Variants in THSD7B observed in about 807,000 individuals in gnomAD.
THSD7B encodes thrombospondin type-1 domain-containing protein 7B.
In THSD7B, 138 loss-of-function variants were observed where a neutral mutation model predicts 213.6. The ratio of observed to expected loss-of-function variants is 0.65; its 90% CI spans 0.56 to 0.74. THSD7B has a LOEUF of 0.74. Ranked by LOEUF, THSD7B falls within the 30% of genes least tolerant of loss-of-function variation. The pLI, the probability that THSD7B is intolerant of heterozygous loss-of-function variation, is 0.00. For missense variants in THSD7B, 1,931 were observed against 1,991.5 expected (o/e 0.97, Z 0.58); for synonymous variants, 742 against 687.0 (o/e 1.08, Z -1.25).
chr2:136,939,084 T>C (rs1030693052), intron 2 of THSD7B, among the ~76,000 whole-genome samples: 2 of 152,164 alleles, frequency 1.3e-5, no homozygotes, highest in Non-Finnish European at 2.9e-5. Flanking sequence ...ATGGCATCTT[T>C]CCTAAATATC....
chr2:136,833,175 A>G (rs527697182), intron 1 of THSD7B, among the ~76,000 whole-genome samples: 19 of 151,822 alleles, frequency 1.3e-4, no homozygotes, highest in Non-Finnish European at 2.1e-4. Flanking sequence ...ACCATCCTGG[A>G]TAACATGGTG....
At chr2:137,391,317 A>G (rs1229840750) in intron 12 of THSD7B, among the ~76,000 whole-genome samples, 1 of 150,576 alleles carries the variant, frequency 6.6e-6, no homozygotes, top group Non-Finnish European at 1.5e-5. Flanking sequence ...CCCTTTTTTC[A>G]TTTCTGATTA....
chr2:137,082,579 A>T (rs1687765548), intron 3 of THSD7B, among the ~76,000 whole-genome samples: 2 of 152,126 alleles, frequency 1.3e-5, no homozygotes, highest in African/African-American at 4.8e-5. Flanking sequence ...GGGGAAATTA[A>T]TTTTAGTTTT....
At chr2:137,065,725 G>C (rs1687362324) in intron 3 of THSD7B, among the ~76,000 whole-genome samples, 1 of 151,386 alleles carries the variant, frequency 6.6e-6, no homozygotes, top group Middle Eastern at 3.2e-3. Context: ...ATTTTTTATG[G>C]TTTTATTAGA....
chr2:137,602,737 A>G (rs774232174), intron 17 of THSD7B, among the ~76,000 whole-genome samples: 3 of 152,120 alleles, frequency 2.0e-5, no homozygotes, highest in Non-Finnish European at 4.4e-5. Context: ...TAACAGAATT[A>G]ATCTACTCAT....
At position 137,471,668 on chromosome 2, in the gene THSD7B, A is replaced by C. The variant is rs148582837; in HGVS notation, c.3138+20645A>C. ...GAGGATAAATCTAGAAAAGAGGCTC[A>C]CACAAGTCATCGAAGCAATTCAAAC... On this transcript the variant is annotated intron_variant, in intron 15 of 27. Transcript: ENST00000409968. 3.4e-3 allele frequency among the ~76,000 whole-genome samples: 520 copies of C among 152,218 alleles called. 5 individuals are homozygous for C. Among genetic ancestry groups the C allele is most frequent in the African/African-American group, 0.012 (496 of 41,532 alleles).
intron 3 of THSD7B, among the ~76,000 whole-genome samples, chr2:137,063,407 A>AT (rs1267249976): frequency 1.3e-5 from 2 of 151,660 alleles, no homozygotes; most frequent in African/African-American, 4.8e-5. Flanking sequence ...TTGTAGGTGC[A>AT]TAGTAGGTGT....
At chr2:136,767,490 TTG>T (rs1325519035) in intron 1 of THSD7B, among the ~76,000 whole-genome samples, 3 of 100,156 alleles carry the variant, frequency 3.0e-5, no homozygotes, top group Non-Finnish European at 4.9e-5. Flanking sequence ...TTGTGTGTAT[TTG>T]TGTGTGTGTG....
intron 12 of THSD7B, among the ~76,000 whole-genome samples, chr2:137,345,148 C>A (rs889293171): frequency 1.3e-5 from 2 of 151,654 alleles, no homozygotes; most frequent in Non-Finnish European, 3.0e-5. Context: ...AAATCTTAAT[C>A]TTAACTGTAA....
chr2:136,948,539 AG>A (rs892269861), intron 2 of THSD7B, among the ~76,000 whole-genome samples: 20 of 152,158 alleles, frequency 1.3e-4, no homozygotes, highest in Non-Finnish European at 2.9e-4. Flanking sequence ...AATTCAGGTG[AG>A]GGAAAGATTA....
chr2:137,372,323 C>CTTTTTTTTTTTT (rs55635315), intron 12 of THSD7B, among the ~76,000 whole-genome samples: 2 of 57,514 alleles, frequency 3.5e-5, no homozygotes, highest in Non-Finnish European at 6.7e-5. Flanking sequence ...TGATAATACT[C>CTTTTTTTTTTTT]TTTTTTTTTT....
chr2:137,664,514 G>T (rs1683411488), intron 26 of THSD7B, among the ~76,000 whole-genome samples: 1 of 152,186 alleles, frequency 6.6e-6, no homozygotes, highest in Non-Finnish European at 1.5e-5. Context: ...CTTACTAAGT[G>T]CAGGAATGGA....
Position 137,662,231 on chromosome 2 carries a change from TTTTTTTTTTTC to T in THSD7B, c.4459-1141_4459-1131del, listed in dbSNP as rs1194610238. 6.9e-3 allele frequency among the ~76,000 whole-genome samples: 795 copies of T among 114,584 alleles called. 3 individuals carry two copies. Among genetic ancestry groups the T allele is most frequent in the Middle Eastern group, 0.048 (11 of 230 alleles). 75.2% of individuals were successfully genotyped at this position (114,584 alleles called of 152,430 possible). A position where few individuals can be genotyped will look rare whatever the true frequency, so the allele number is the denominator to read the frequency against. On this transcript the variant is annotated intron_variant, in intron 25 of 27. Coordinates refer to ENST00000409968, the MANE Select transcript of THSD7B (RefSeq NM_001316349.2). Reference sequence around the variant, plus strand: ...ATGCCCGCCACGACGCCCGGCTAATTTTTTTTTTTTCTTTTTTTTTTTTTTTGTATTTTTGG... The same window carrying T: ...ATGCCCGCCACGACGCCCGGCTAATTTTTTTTTTTTTTTTTGTATTTTTGG...
chr2:137,169,016 C>G (rs888528614), intron 6 of THSD7B, among the ~76,000 whole-genome samples: 6 of 151,504 alleles, frequency 4.0e-5, no homozygotes, highest in Admixed American at 1.3e-4. Flanking sequence ...CGGCAGAAAC[C>G]ATTATTATTT....
chr2:137,315,147 G>A (rs1684055330), intron 12 of THSD7B, among the ~76,000 whole-genome samples: 1 of 152,206 alleles, frequency 6.6e-6, no homozygotes, highest in Non-Finnish European at 1.5e-5. Flanking sequence ...TGCTGTGCTA[G>A]CAATCAGCGA....
chr2:136,891,343 C>T (rs947112980), intron 2 of THSD7B, among the ~76,000 whole-genome samples: 2 of 152,164 alleles, frequency 1.3e-5, no homozygotes, highest in Non-Finnish European at 2.9e-5. Flanking sequence ...ACTGATTCAA[C>T]ATTCCATGTA....
chr2:137,162,638 G>T (rs952138750), intron 6 of THSD7B, among the ~76,000 whole-genome samples: 2 of 152,102 alleles, frequency 1.3e-5, no homozygotes, highest in African/African-American at 4.8e-5. Context: ...CTGGGCCATG[G>T]ATTCTCTATG....
At chr2:136,767,628 T>C (rs1251789149) in intron 1 of THSD7B, among the ~76,000 whole-genome samples, 1 of 152,118 alleles carries the variant, frequency 6.6e-6, no homozygotes. Flanking sequence ...TCTGAAAAAA[T>C]TGTAGGTGTC....
chr2:136,990,302 C>T (rs1436829362), intron 2 of THSD7B, among the ~76,000 whole-genome samples: 2 of 152,186 alleles, frequency 1.3e-5, no homozygotes, highest in African/African-American at 4.8e-5. Context: ...GGCAGATATC[C>T]TTTCAGATAG....
Sources: allele counts gnomAD v4.1 joint callset (sites outside exome capture counted in the v4.1 genomes callset), GRCh38; gene constraint gnomAD v4.1.1; transcripts MANE v1.5; gene names NCBI Gene and HGNC (gene_info 2026-07-23, HGNC 2026-07-21).